UBE2G1: variants seen among roughly 807,000 people sequenced by gnomAD.
UBE2G1 encodes the protein ubiquitin-conjugating enzyme E2 G1.
In UBE2G1, 5 loss-of-function variants were observed where a neutral mutation model predicts 22.7. That is an observed-to-expected ratio of 0.22 (90% CI 0.12 to 0.46). The LOEUF (loss-of-function observed/expected upper bound fraction) is 0.46. UBE2G1 is among the 20% of genes least tolerant of loss of function. UBE2G1 has a pLI of 0.99. For synonymous variants in UBE2G1, 74 were observed against 67.5 expected (o/e 1.10, Z -0.47); for missense variants, 88 against 203.9 (o/e 0.43, Z 3.46).
At position 4,339,742 on chromosome 17, in the gene UBE2G1, G is replaced by A. The variant is rs376164318; in HGVS notation, c.46+26529C>T. 1.4e-4 allele frequency among the ~76,000 whole-genome samples: 21 copies of A among 151,916 alleles called. No homozygotes were observed. In the South Asian group the frequency reaches 3.3e-3, roughly 24 times the overall value. ...CACATGCCTGTAATGCCAGCTACTC[G>A]GGAGGCTGAGGCCACAGAATCACTT... On this transcript the variant is annotated intron_variant, in intron 1 of 5. Transcript: ENST00000396981.
chr17:4,304,319 T>C (rs1365922451), intron 2 of UBE2G1, among the ~76,000 whole-genome samples: 1 of 152,172 alleles, frequency 6.6e-6, no homozygotes, highest in Non-Finnish European at 1.5e-5. Context: ...TACAAACCTA[T>C]TGCCACTTCT....
At chr17:4,278,728 A>T (rs1279736664) in intron 5 of UBE2G1, among the ~76,000 whole-genome samples, 1 of 152,224 alleles carries the variant, frequency 6.6e-6, no homozygotes, top group Non-Finnish European at 1.5e-5. Context: ...GCAGATTTTT[A>T]AAAGATGGTG....
At chr17:4,281,085 A>G (rs1005504774) in intron 5 of UBE2G1, among the ~76,000 whole-genome samples, 1 of 152,218 alleles carries the variant, frequency 6.6e-6, no homozygotes, top group Non-Finnish European at 1.5e-5. Context: ...CTTACAGTAC[A>G]TGCAAATCAG....
chr17:4,312,182 G>A (rs890909753), intron 1 of UBE2G1, among the ~76,000 whole-genome samples: 25 of 151,504 alleles, frequency 1.7e-4, no homozygotes, highest in African/African-American at 5.3e-4. Flanking sequence ...GGAGGTCACC[G>A]AGATCATGCC....
chr17:4,289,531 T>C (rs1429914439), intron 3 of UBE2G1, 123 bp from the exon 4 acceptor site: 4 of 1,097,858 alleles, frequency 3.6e-6, no homozygotes, highest in Non-Finnish European at 5.0e-6. Context: ...TACGCAGAAG[T>C]TAATGTCCAA....
chr17:4,283,618 G>A (rs1419048790), intron 4 of UBE2G1, among the ~76,000 whole-genome samples: 1 of 152,106 alleles, frequency 6.6e-6, no homozygotes, highest in African/African-American at 2.4e-5. Context: ...GCATCATATT[G>A]AGATGATACT....
rs1268401378 is a variant in UBE2G1 at position 4,293,191 on chromosome 17, T to C, written c.247+3526A>G. On this transcript the variant is annotated intron_variant, in intron 3 of 5. Transcript: ENST00000396981. ...ACCACTAACCTACTTTCGGTCTCTATGGATTTGTCTATTCTTGACATTTCA... is the reference window on the plus strand; with the variant it reads ...ACCACTAACCTACTTTCGGTCTCTACGGATTTGTCTATTCTTGACATTTCA... 3.9e-5 allele frequency among the ~76,000 whole-genome samples: 6 copies of C among 152,204 alleles called. No individual in the cohort carries two copies. In the East Asian group the frequency reaches 5.8e-4, roughly 15 times the overall value.
intron 1 of UBE2G1, among the ~76,000 whole-genome samples, chr17:4,324,990 C>T (rs371785352): frequency 1.9e-4 from 29 of 151,488 alleles, no homozygotes; most frequent in African/African-American, 5.6e-4. Flanking sequence ...GGCAGGAGAA[C>T]GGCGTGAACC....
In UBE2G1 at chr17:4,349,476, T is replaced by A. The variant is rs1246156765; in HGVS notation, c.46+16795A>T. Reference sequence around the variant, plus strand: ...ATGGAACTGATGTCATCTTGAACTCTTCATTTATTTTGATTTGGAATGGAG... The same window carrying A: ...ATGGAACTGATGTCATCTTGAACTCATCATTTATTTTGATTTGGAATGGAG... On this transcript the variant is annotated intron_variant, in intron 1 of 5. Coordinates refer to ENST00000396981, the MANE Select transcript of UBE2G1 (RefSeq NM_003342.5). Among the ~76,000 whole-genome samples the A allele has an allele frequency of 2.0e-5, 3 of 148,532 alleles. No individual in the cohort carries two copies. In the East Asian group the frequency reaches 5.9e-4, roughly 29 times the overall value.
At chr17:4,293,173 A>C (rs1016532233) in intron 3 of UBE2G1, among the ~76,000 whole-genome samples, 1 of 152,014 alleles carries the variant, frequency 6.6e-6, no homozygotes, top group East Asian at 1.9e-4. Context: ...GGAACCACTA[A>C]CCTACTTTCG....
At chr17:4,274,926 C>CAG (rs1968804368) in intron 5 of UBE2G1, among the ~76,000 whole-genome samples, 2 of 1,922 alleles carry the variant, frequency 1.0e-3, no homozygotes. Flanking sequence ...TGGCACATGC[C>CAG]TGTGGGAGGA....
chr17:4,278,897 C>T (rs751027620), intron 5 of UBE2G1, among the ~76,000 whole-genome samples: 6 of 152,160 alleles, frequency 3.9e-5, no homozygotes, highest in Non-Finnish European at 7.4e-5. Context: ...TTTAGCTTTA[C>T]TTCGGACTTA....
In UBE2G1 at chr17:4,289,361, C is replaced by A. The variant is rs751455813; in HGVS notation, c.295G>T (p.Glu99Ter). Residue 99 changes from glutamate to a stop codon, truncating the protein, a stop_gained, in exon 4 of 6, where the codon GAA becomes TAA. Transcript: ENST00000396981. LOFTEE classifies it high-confidence loss of function. ...VCISILHEPGEDKYGYEKPEE... is the reference protein window; with the variant it reads ...VCISILHEPG ...GGCTTTTCATAACCATACTTATCTT[C>A]CCCAGGCTCATGAAGAATAGAAATG... The A allele has an allele frequency of 6.3e-7, 1 of 1,589,074 alleles. No homozygotes were observed. Among genetic ancestry groups the A allele is most frequent in the South Asian group, 1.1e-5 (1 of 87,036 alleles).
intron 2 of UBE2G1, chr17:4,301,416 CT>C: frequency 1.5e-6 from 1 of 650,634 alleles, no homozygotes. Context: ...CTGGCTATGA[CT>C]TTTGATGCTG....
At chr17:4,283,308 T>G (rs534611907) in intron 4 of UBE2G1, among the ~76,000 whole-genome samples, 22 of 152,274 alleles carry the variant, frequency 1.4e-4, no homozygotes, top group East Asian at 3.9e-4. Flanking sequence ...GTCGGGAGTT[T>G]GAGACCAGCC....
At chr17:4,310,812 C>CGAGTATATA (rs1179646107) in intron 1 of UBE2G1, among the ~76,000 whole-genome samples, 4 of 151,894 alleles carry the variant, frequency 2.6e-5, no homozygotes, top group African/African-American at 9.7e-5. Context: ...AAGTGTACCT[C>CGAGTATATA]GAGTATATAG....
intron 1 of UBE2G1, among the ~76,000 whole-genome samples, chr17:4,358,054 T>C (rs540508457): frequency 1.6e-4 from 24 of 152,158 alleles, no homozygotes; most frequent in Non-Finnish European, 2.6e-4. Context: ...CAATTATACA[T>C]TCCCACCAGC....
intron 5 of UBE2G1, among the ~76,000 whole-genome samples, chr17:4,277,818 G>A (rs1968838806): frequency 6.6e-6 from 1 of 152,026 alleles, no homozygotes; most frequent in South Asian, 2.1e-4. Context: ...AGTGCATGGT[G>A]ATAAAGCCGT....
chr17:4,272,392 A>G lies in UBE2G1; in HGVS notation c.*162T>C, dbSNP rs564990292. The G allele has an allele frequency of 2.1e-5, 4 of 186,738 alleles. No homozygotes were observed. In the South Asian group the frequency reaches 5.7e-4, roughly 27 times the overall value. The allele number at this position is 186,738 out of a possible 1,614,324, so 11.6% of individuals were successfully genotyped here. Reference sequence around the variant, plus strand: ...TGGCACTTGTTAGGCTCTTGTCAGCATTGATAACTGGCATGTTTTATTGCA... The same window carrying G: ...TGGCACTTGTTAGGCTCTTGTCAGCGTTGATAACTGGCATGTTTTATTGCA... On this transcript the variant is annotated 3_prime_UTR_variant, in exon 6 of 6. Transcript: ENST00000396981.
Sources: gnomAD v4.1 joint callset for allele counts (sites outside exome capture counted in the v4.1 genomes callset) on GRCh38, gnomAD v4.1.1 for gene constraint, MANE v1.5 for transcripts, NCBI Gene and HGNC (gene_info 2026-07-23, HGNC 2026-07-21) for gene names.